Variants in ETV1 observed in about 807,000 individuals in gnomAD.
The protein encoded by ETV1 is ETS variant transcription factor 1.
In ETV1, 27 loss-of-function variants were observed where a neutral mutation model predicts 62.3. The ratio of observed to expected loss-of-function variants is 0.43; its 90% confidence interval spans 0.32 to 0.60. The LOEUF (loss-of-function observed/expected upper bound fraction) is 0.60, where lower values mean the gene tolerates loss of function less well. Ranked by LOEUF, ETV1 falls within the 20% of genes least tolerant of loss-of-function variation. The pLI is 0.06. For missense variants in ETV1, 605 were observed against 605.8 expected (o/e 1.00, Z 0.01); for synonymous variants, 222 against 199.6 (o/e 1.11, Z -0.94).
At chr7:13,951,878 G>A (rs192514107) in intron 6 of ETV1, among the ~76,000 whole-genome samples, 1 of 152,210 alleles carries the variant, frequency 6.6e-6, no homozygotes, top group Admixed American at 6.5e-5. Context: ...GTAAATGTTT[G>A]TTACTACTAG....
At chr7:13,962,205 G>A (rs932404266) in intron 6 of ETV1, among the ~76,000 whole-genome samples, 3 of 150,716 alleles carry the variant, frequency 2.0e-5, no homozygotes, top group Non-Finnish European at 4.4e-5. Context: ...ACACACACGT[G>A]TGTGTGTGTA....
At chr7:13,948,278 T>C (rs1329065703) in intron 6 of ETV1, among the ~76,000 whole-genome samples, 2 of 152,234 alleles carry the variant, frequency 1.3e-5, no homozygotes, top group Non-Finnish European at 2.9e-5. Context: ...CTCTGACCTT[T>C]CACTCTGCTT....
At chr7:13,899,322 CTG>C (rs776369777) in intron 13 of ETV1, among the ~76,000 whole-genome samples, 3 of 152,158 alleles carry the variant, frequency 2.0e-5, no homozygotes, top group Non-Finnish European at 4.4e-5. Context: ...AGGTAGTAAA[CTG>C]TTATACATTT....
chr7:13,987,394 T>G (rs2128515262), intron 4 of ETV1, among the ~76,000 whole-genome samples: 1 of 152,234 alleles, frequency 6.6e-6, no homozygotes, highest in African/African-American at 2.4e-5. Context: ...CCAACTAAAC[T>G]TTGATAATTA....
chr7:13,978,179 T>C (rs1781638687), intron 5 of ETV1, among the ~76,000 whole-genome samples: 1 of 152,142 alleles, frequency 6.6e-6, no homozygotes, highest in African/African-American at 2.4e-5. Flanking sequence ...ACAAAAAGAA[T>C]ATCACTAGTT....
intron 9 of ETV1, among the ~76,000 whole-genome samples, chr7:13,916,523 A>C (rs563064739): frequency 6.6e-6 from 1 of 152,194 alleles, no homozygotes; most frequent in African/African-American, 2.4e-5. Flanking sequence ...CTGTCATCCC[A>C]GCTACTCGGG....
At chr7:13,953,763 G>A (rs1789096632) in intron 6 of ETV1, among the ~76,000 whole-genome samples, 1 of 151,906 alleles carries the variant, frequency 6.6e-6, no homozygotes, top group South Asian at 2.1e-4. Context: ...ATTCCACAGT[G>A]CTGTCCTCTG....
intron 6 of ETV1, among the ~76,000 whole-genome samples, chr7:13,940,372 GAA>G (rs749894188): frequency 1.5e-5 from 1 of 66,710 alleles, no homozygotes; most frequent in Non-Finnish European, 3.7e-5. Flanking sequence ...AAAAAAAAAA[GAA>G]AAAAAAGAAA....
chr7:13,911,187 T>C (rs1346874858), intron 10 of ETV1, 52 bp downstream of exon 10: 1 of 1,213,016 alleles, frequency 8.2e-7, no homozygotes, highest in Non-Finnish European at 1.2e-6. Context: ...ATTTGGGATG[T>C]CTGATTATTC....
intron 6 of ETV1, among the ~76,000 whole-genome samples, chr7:13,973,696 G>T (rs1562703673): frequency 6.6e-6 from 1 of 151,046 alleles, no homozygotes; most frequent in East Asian, 1.9e-4. Flanking sequence ...CTGTTTATGG[G>T]TTTTTTAAAA....
chr7:13,985,923 A>G (rs1782507225), intron 5 of ETV1, among the ~76,000 whole-genome samples: 1 of 152,202 alleles, frequency 6.6e-6, no homozygotes, highest in East Asian at 1.9e-4. Flanking sequence ...TTAACAAAAA[A>G]TAATTCAAAA....
At chr7:13,936,360 T>C (rs965730586) in intron 7 of ETV1, among the ~76,000 whole-genome samples, 6 of 152,204 alleles carry the variant, frequency 3.9e-5, no homozygotes, top group South Asian at 2.1e-4. Context: ...CTTGCTTTTA[T>C]TTGTGGTGGG....
intron 5 of ETV1, chr7:13,986,144 AAAG>A: frequency 6.3e-7 from 1 of 1,593,640 alleles, no homozygotes; most frequent in Non-Finnish European, 8.5e-7. Flanking sequence ...AACAAGGTGG[AAAG>A]AAGACACTTG....
chr7:13,930,853 T>C (rs376151969), intron 9 of ETV1, among the ~76,000 whole-genome samples: 1 of 152,042 alleles, frequency 6.6e-6, no homozygotes, highest in South Asian at 2.1e-4. Context: ...CAGGCTGGAG[T>C]GCAGTGGTGC....
chr7:13,931,854 G>A (rs1786217767), intron 8 of ETV1, 105 bp from the exon 9 acceptor site: 1 of 1,332,022 alleles, frequency 7.5e-7, no homozygotes, highest in African/African-American at 1.5e-5. Flanking sequence ...GATACCAGCT[G>A]ACCTGAAGCG....
At chr7:13,909,736 G>C (rs1240901740) in intron 10 of ETV1, 36 bp from the exon 11 acceptor site, 2 of 1,517,316 alleles carry the variant, frequency 1.3e-6, no homozygotes, top group African/African-American at 2.8e-5. Flanking sequence ...ATTCATGATA[G>C]AAATGAAGCT....
rs1254355854 is a variant in ETV1 at position 13,935,117 on chromosome 7, T to A, written c.554+591A>T. 3.3e-5 allele frequency among the ~76,000 whole-genome samples: 5 copies of A among 152,324 alleles called. No homozygotes were observed. The East Asian group carries it at 9.6e-4, about 29-fold the overall frequency. ...CGCAGTATTCTCCTTAGATCTATGC[T>A]ATGCTTCTTGCCTTGCTCCTTTCTA... On this transcript the variant is annotated intron_variant, in intron 8 of 13. Coordinates refer to ENST00000430479, the MANE Select transcript of ETV1 (RefSeq NM_004956.5).
At chr7:13,959,511 C>A (rs527475204) in intron 6 of ETV1, among the ~76,000 whole-genome samples, 1 of 152,246 alleles carries the variant, frequency 6.6e-6, no homozygotes, top group South Asian at 2.1e-4. Context: ...ACCTATCTAT[C>A]TTTATCCTGG....
upstream of ETV1, chr7:13,990,529 A>G (rs1400474434): frequency 6.6e-6 from 1 of 152,210 alleles, no homozygotes; most frequent in Non-Finnish European, 1.5e-5. Flanking sequence ...TTATGTATAC[A>G]CGGAGGCGGA....
Sources: gnomAD v4.1 joint callset for allele counts (sites outside exome capture counted in the v4.1 genomes callset) on GRCh38, gnomAD v4.1.1 for gene constraint, MANE v1.5 for transcripts, NCBI Gene and HGNC (gene_info 2026-07-23, HGNC 2026-07-21) for gene names.